Variants in NAALADL2 observed in about 807,000 individuals in gnomAD.
NAALADL2 encodes inactive N-acetylated-alpha-linked acidic dipeptidase-like protein 2.
A neutral mutation model predicts 87.2 loss-of-function variants in NAALADL2; 76 were observed. That is an observed-to-expected ratio of 0.87 (90% confidence interval 0.72 to 1.05). The LOEUF is 1.05. Among genes scored for constraint, NAALADL2 ranks in the 50% least tolerant of loss-of-function variants. The probability of loss-of-function intolerance (pLI) is 0.00; values close to 1 mark genes in which losing one functional copy is unlikely to be tolerated. For missense variants in NAALADL2, 1,089 were observed against 945.8 expected (o/e 1.15, Z -1.99); for synonymous variants, 354 against 331.0 (o/e 1.07, Z -0.75).
At chr3:175,536,386 C>T (rs1361657479) in intron 9 of NAALADL2, among the ~76,000 whole-genome samples, 1 of 152,126 alleles carries the variant, frequency 6.6e-6, no homozygotes, top group Non-Finnish European at 1.5e-5. Flanking sequence ...ATTTTCTCAT[C>T]TCTAAAAGCA....
intron 11 of NAALADL2, among the ~76,000 whole-genome samples, chr3:175,735,576 A>T (rs1277676259): frequency 1.3e-5 from 2 of 152,206 alleles, no homozygotes; most frequent in Non-Finnish European, 2.9e-5. Context: ...GAATACAAGG[A>T]GGAGCAAGTC....
intron 2 of NAALADL2, among the ~76,000 whole-genome samples, chr3:175,100,117 T>C (rs1348611780): frequency 6.6e-6 from 1 of 152,072 alleles, no homozygotes; most frequent in Non-Finnish European, 1.5e-5. Flanking sequence ...TGGCAACTTA[T>C]ATCAAAACCA....
chr3:175,788,531 G>A (rs568279189), intron 13 of NAALADL2, among the ~76,000 whole-genome samples: 2 of 152,096 alleles, frequency 1.3e-5, no homozygotes, highest in African/African-American at 4.8e-5. Flanking sequence ...GTTTGTAGCC[G>A]AGGAGCAATA....
intron 12 of NAALADL2, among the ~76,000 whole-genome samples, chr3:175,740,077 G>C (rs550334632): frequency 6.6e-6 from 1 of 151,980 alleles, no homozygotes; most frequent in East Asian, 1.9e-4. Context: ...TTAGAAACTG[G>C]GATAAAGGTA....
At chr3:175,564,341 T>C (rs73169475) in intron 9 of NAALADL2, among the ~76,000 whole-genome samples, 19,626 of 152,050 alleles carry the variant, frequency 0.13, 1,358 homozygotes, top group Middle Eastern at 0.17. Context: ...AAATACGTGA[T>C]TTTTTTAAAG....
At chr3:174,683,800 T>C (rs906702030) in intron 2 of NAALADL2, among the ~76,000 whole-genome samples, 6 of 152,058 alleles carry the variant, frequency 3.9e-5, no homozygotes, top group African/African-American at 1.4e-4. Flanking sequence ...TTCATCTTGC[T>C]TTAATACTAT....
chr3:175,119,077 G>T (rs1323709390), intron 2 of NAALADL2, among the ~76,000 whole-genome samples: 1 of 149,976 alleles, frequency 6.7e-6, no homozygotes, highest in Non-Finnish European at 1.5e-5. Flanking sequence ...TTTTCCCAGT[G>T]GTCATTATTG....
At position 175,806,699 on chromosome 3, in the gene NAALADL2, T is replaced by C. The variant is rs1754736601; in HGVS notation, c.*3496T>C. 1 of 96,562 alleles carries C rather than the reference T, an allele frequency of 1.0e-5. No individual in the cohort carries two copies. The highest frequency in any genetic ancestry group is 5.4e-5 in the African/African-American group (1 of 18,534). The allele number at this position is 96,562 out of a possible 1,614,324, so 6.0% of individuals were successfully genotyped here. ...ATTTTTCCCATGTATCCTTTTTTTT[T>C]TTTTTTTTTTTTTTTAATTCCCACA... is the stretch of plus-strand genomic sequence containing the variant. On this transcript the variant is annotated 3_prime_UTR_variant, in exon 14 of 14. Coordinates refer to ENST00000454872, the MANE Select transcript of NAALADL2 (RefSeq NM_207015.3).
intron 3 of NAALADL2, among the ~76,000 whole-genome samples, chr3:174,845,705 G>T (rs1579176962): frequency 6.6e-6 from 1 of 152,194 alleles, no homozygotes; most frequent in South Asian, 2.1e-4. Context: ...ATGTGGGCTA[G>T]TTTTCTGGGT....
intron 2 of NAALADL2, among the ~76,000 whole-genome samples, chr3:174,642,647 C>A (rs939830483): frequency 1.3e-5 from 2 of 151,314 alleles, no homozygotes; most frequent in Non-Finnish European, 2.9e-5. Flanking sequence ...TAATAAGAAC[C>A]ATTGTCAGAG....
At chr3:174,692,041 A>G (rs985505749) in intron 2 of NAALADL2, 1 of 151,734 alleles carries the variant, frequency 6.6e-6, no homozygotes, top group Non-Finnish European at 1.5e-5. Flanking sequence ...CTTCTTCAAA[A>G]CTCCTGTTAA....
intron 11 of NAALADL2, chr3:175,718,100 G>A (rs894157352): frequency 4.1e-6 from 3 of 733,412 alleles, no homozygotes; most frequent in Non-Finnish European, 6.2e-6. Context: ...TTCCTTTCCA[G>A]TACTTTGAGG....
At chr3:175,492,595 T>G (rs777687524) in intron 9 of NAALADL2, among the ~76,000 whole-genome samples, 9 of 152,180 alleles carry the variant, frequency 5.9e-5, no homozygotes, top group Non-Finnish European at 1.2e-4. Context: ...TACCCATTTT[T>G]CCATGACAAT....
chr3:175,246,954 A>C (rs1262025999), intron 3 of NAALADL2, among the ~76,000 whole-genome samples: 1 of 152,192 alleles, frequency 6.6e-6, no homozygotes, highest in Non-Finnish European at 1.5e-5. Flanking sequence ...TTGTGGTCTC[A>C]AGAGTCACAG....
chr3:175,302,384 T>C (rs1390622245), intron 4 of NAALADL2, among the ~76,000 whole-genome samples: 1 of 152,158 alleles, frequency 6.6e-6, no homozygotes, highest in Admixed American at 6.6e-5. Flanking sequence ...GATAGTCCAG[T>C]TGGGGCTTAA....
chr3:175,183,561 G>T (rs1736912654), intron 2 of NAALADL2, among the ~76,000 whole-genome samples: 1 of 151,904 alleles, frequency 6.6e-6, no homozygotes, highest in Admixed American at 6.6e-5. Context: ...ATTGGATTTT[G>T]TTAAATTCTT....
chr3:174,546,919 T>A (rs1302347550), intron 1 of NAALADL2, among the ~76,000 whole-genome samples: 1 of 152,162 alleles, frequency 6.6e-6, no homozygotes, highest in Non-Finnish European at 1.5e-5. Context: ...TGTTTCCTGT[T>A]CTCTTTGCCT....
chr3:174,548,132 C>G (rs565415796), intron 1 of NAALADL2, among the ~76,000 whole-genome samples: 2 of 152,186 alleles, frequency 1.3e-5, no homozygotes, highest in South Asian at 4.1e-4. Flanking sequence ...ATGTTAAAAC[C>G]ACATTTAGTT....
intron 5 of NAALADL2, among the ~76,000 whole-genome samples, chr3:175,428,274 A>G (rs1717160468): frequency 6.6e-6 from 1 of 152,148 alleles, no homozygotes; most frequent in Non-Finnish European, 1.5e-5. Context: ...AATGGGAAGT[A>G]CTCAATAAGT....
Sources: allele counts gnomAD v4.1 joint callset (sites outside exome capture counted in the v4.1 genomes callset), GRCh38; gene constraint gnomAD v4.1.1; transcripts MANE v1.5; gene names NCBI Gene and HGNC (gene_info 2026-07-23, HGNC 2026-07-21).